The following DNAH7 variants were observed in gnomAD, a reference collection of about 807,000 sequenced individuals.
DNAH7 encodes the protein axonemal beta dynein heavy chain 7.
Under a neutral mutation model 444.6 loss-of-function variants are expected in DNAH7, and 397 were observed. The ratio of observed to expected loss-of-function variants is 0.89; its 90% confidence interval spans 0.82 to 0.97. The LOEUF is 0.97. DNAH7 is among the 50% of genes least tolerant of loss of function. The pLI is 0.00. For missense variants in DNAH7, 4,902 were observed against 4,800.8 expected, an observed-to-expected ratio of 1.02 and a Z score of -0.62; for synonymous variants, 1,636 against 1,624.4, an observed-to-expected ratio of 1.01 and a Z score of -0.17.
intron 21 of DNAH7, 100 bp from the exon 22 acceptor site, chr2:195,926,666 T>C: frequency 9.3e-7 from 1 of 1,073,648 alleles, no homozygotes; most frequent in South Asian, 2.3e-5. Flanking sequence ...CTCAATTTTT[T>C]ACAACATTCT....
At chr2:195,933,053 C>CT (rs986581004) in intron 21 of DNAH7, among the ~76,000 whole-genome samples, 1 of 152,024 alleles carries the variant, frequency 6.6e-6, no homozygotes, top group East Asian at 1.9e-4. Flanking sequence ...TGGTCCTGGA[C>CT]TTTTTTTGGT....
At chr2:196,067,042 C>T (rs1698466221) in intron 1 of DNAH7, among the ~76,000 whole-genome samples, 2 of 152,168 alleles carry the variant, frequency 1.3e-5, no homozygotes, top group South Asian at 4.1e-4. Context: ...CTTTTAAGAT[C>T]CCGCTGCCTC....
At chr2:196,027,067 G>A in intron 6 of DNAH7, 127 bp from the exon 7 acceptor site, 1 of 655,734 alleles carries the variant, frequency 1.5e-6, no homozygotes, top group Non-Finnish European at 2.5e-6. Context: ...AAAAGTATTT[G>A]GTACAATTCA....
chr2:195,930,764 T>A (rs1490203164), intron 21 of DNAH7, among the ~76,000 whole-genome samples: 1 of 152,120 alleles, frequency 6.6e-6, no homozygotes, highest in Non-Finnish European at 1.5e-5. Flanking sequence ...AGCAAAGACA[T>A]GGAATCAACC....
intron 19 of DNAH7, among the ~76,000 whole-genome samples, chr2:195,946,675 TTCTTTCTCTC>T (rs1157917658): frequency 2.0e-5 from 3 of 151,778 alleles, no homozygotes; most frequent in Non-Finnish European, 2.9e-5. Flanking sequence ...CACTCTCTCT[TTCTTTCTCTC>T]TCTTTCTCTC....
Position 196,000,902 on chromosome 2 carries a change from T to C in DNAH7, c.1174-19A>G, listed in dbSNP as rs771306635. 2 of 1,544,352 alleles carry C rather than the reference T, an allele frequency of 1.3e-6. No individual in the cohort carries two copies. Among genetic ancestry groups the C allele is most frequent in the African/African-American group, 2.8e-5 (2 of 72,006 alleles). On this transcript the variant is annotated intron_variant, in intron 11 of 64. Transcript: ENST00000312428. ...CAGAATCCTGCAAAAAATTAAAAAATTTACATACATAAATATGTATGAATT... is the reference window on the plus strand; with the variant it reads ...CAGAATCCTGCAAAAAATTAAAAAACTTACATACATAAATATGTATGAATT...
chr2:196,056,419 G>GAAA (rs57708138), intron 2 of DNAH7, among the ~76,000 whole-genome samples: 14 of 115,348 alleles, frequency 1.2e-4, no homozygotes, highest in East Asian at 1.2e-3. Flanking sequence ...CACTCTGTCT[G>GAAA]AAAAAAAAAA....
chr2:195,738,176 T>A (rs1374841430), intron 64 of DNAH7, 49 bp from the exon 65 acceptor site: 20 of 1,525,594 alleles, frequency 1.3e-5, no homozygotes. Context: ...GTTTGTTAAA[T>A]GTACATGTGT....
At chr2:195,778,641 T>A (rs1255335075) in intron 58 of DNAH7, among the ~76,000 whole-genome samples, 18,036 of 31,280 alleles carry the variant, frequency 0.58, 5,086 homozygotes, top group East Asian at 0.61. Context: ...AATAAATAAA[T>A]AAATATATAT....
At position 195,888,361 on chromosome 2, in the gene DNAH7, T is replaced by C. The variant is rs367591229; in HGVS notation, c.5303A>G (p.Asn1768Ser). ...AACACTGACTGACGCAGGTAACAGA[T>C]TCACCCAGGACAACATCAGTGGTCT... Reference protein sequence around the residue: ...GWRPLMLSWVNLLPASVSVIQ... With the variant: ...GWRPLMLSWVSLLPASVSVIQ... The change falls in exon 33 of 65, where the codon AAT becomes AGT. Residue 1768 changes from asparagine to serine, a missense_variant. By Grantham distance (46) the Asn-to-Ser change is conservative. Transcript: ENST00000312428. 8 of 1,609,736 alleles carry C rather than the reference T, an allele frequency of 5.0e-6. No homozygotes were observed. The highest frequency in any genetic ancestry group is 1.1e-5 in the South Asian group (1 of 90,028).
intron 46 of DNAH7, among the ~76,000 whole-genome samples, chr2:195,852,909 CACACACAGAGAGAGAGAG>C (rs1199683298): frequency 7.9e-6 from 1 of 125,864 alleles, no homozygotes; most frequent in Non-Finnish European, 1.7e-5. Flanking sequence ...CACACACACA[CACACACAGAGAGAGAGAG>C]AGAGAGAGAG....
intron 12 of DNAH7, chr2:195,999,207 AG>A: frequency 1.4e-6 from 1 of 717,460 alleles, no homozygotes; most frequent in Non-Finnish European, 2.6e-6. Flanking sequence ...TTTGAATATG[AG>A]AAAAGTAAAA....
intron 59 of DNAH7, among the ~76,000 whole-genome samples, chr2:195,777,494 A>C (rs577814854): frequency 6.6e-6 from 1 of 152,306 alleles, no homozygotes; most frequent in East Asian, 1.9e-4. Context: ...ACCATCTCTT[A>C]TGTATTTTCA....
At chr2:195,952,699 C>G (rs1037898746) in intron 19 of DNAH7, among the ~76,000 whole-genome samples, 6 of 152,130 alleles carry the variant, frequency 3.9e-5, no homozygotes, top group African/African-American at 1.4e-4. Flanking sequence ...ATCTCTGATA[C>G]CCTTTCTTCT....
intron 64 of DNAH7, among the ~76,000 whole-genome samples, chr2:195,739,381 A>G (rs1040695180): frequency 4.7e-4 from 71 of 152,314 alleles, no homozygotes; most frequent in Non-Finnish European, 4.9e-4. Flanking sequence ...TGCTGCCAGA[A>G]TCCTGCAAAG....
chr2:195,958,673 A>C (rs1256414368), intron 18 of DNAH7, among the ~76,000 whole-genome samples: 2 of 152,234 alleles, frequency 1.3e-5, no homozygotes, highest in Non-Finnish European at 2.9e-5. Flanking sequence ...AGTATAGAGA[A>C]TATAGATAAT....
chr2:195,983,646 T>C (rs940126248), intron 15 of DNAH7, among the ~76,000 whole-genome samples: 1 of 152,068 alleles, frequency 6.6e-6, no homozygotes, highest in African/African-American at 2.4e-5. Context: ...AACATAAGAT[T>C]TGGAGGGGAC....
intron 1 of DNAH7, among the ~76,000 whole-genome samples, chr2:196,064,234 G>A (rs1309155016): frequency 6.6e-6 from 1 of 151,864 alleles, no homozygotes; most frequent in Non-Finnish European, 1.5e-5. Flanking sequence ...AGAATGGCGT[G>A]AACCTTGGGA....
rs374807058 is a variant in DNAH7, at chr2:195,772,448, G to A, written c.11203-558C>T. Among the ~76,000 whole-genome samples, 8 of 152,250 alleles carry A rather than the reference G, an allele frequency of 5.3e-5. No individual in the cohort carries two copies. In the South Asian group the frequency reaches 8.3e-4, roughly 16 times the overall value. ...CGAAAGACAGACTTTAGTGATTCACGTTGGAAGCAAGGAAGGAGAATTTCA... is the reference window on the plus strand; with the variant it reads ...CGAAAGACAGACTTTAGTGATTCACATTGGAAGCAAGGAAGGAGAATTTCA... On this transcript the variant is annotated intron_variant, in intron 60 of 64. Coordinates refer to ENST00000312428, the MANE Select transcript of DNAH7 (RefSeq NM_018897.3).
Sources: allele counts gnomAD v4.1 joint callset (sites outside exome capture counted in the v4.1 genomes callset), GRCh38; gene constraint gnomAD v4.1.1; transcripts MANE v1.5; gene names NCBI Gene and HGNC (gene_info 2026-07-23, HGNC 2026-07-21).